The following APLF variants were observed in gnomAD, a reference collection of about 807,000 sequenced individuals.
APLF encodes aprataxin and PNKP like factor, also known as aprataxin and PNK-like factor.
APLF carries 61 observed loss-of-function variants against 55.6 expected under a neutral mutation model. That is an observed-to-expected ratio of 1.10 (90% CI 0.89 to 1.36). The LOEUF (loss-of-function observed/expected upper bound fraction) is 1.36, where lower values mean the gene tolerates loss of function less well. Among genes scored for constraint, APLF ranks in the 40% most tolerant of loss-of-function variants. APLF has a pLI of 0.00. For synonymous variants in APLF, 207 were observed against 214.8 expected, an observed-to-expected ratio of 0.96 and a Z score of 0.32; for missense variants, 611 against 602.5, an observed-to-expected ratio of 1.01 and a Z score of -0.15.
chr2:68,501,866 A>G (rs1211534784), intron 2 of APLF, among the ~76,000 whole-genome samples: 4 of 152,130 alleles, frequency 2.6e-5, no homozygotes, highest in South Asian at 4.1e-4. Flanking sequence ...TTGTGCTGCA[A>G]TAACAGAATA....
chr2:68,545,126 C>G (rs1393665756), intron 7 of APLF, 61 bp from the exon 8 acceptor site: 1 of 1,580,926 alleles, frequency 6.3e-7, no homozygotes, highest in Non-Finnish European at 8.6e-7. Flanking sequence ...CCTGCTATAT[C>G]CACTAAAAAT....
chr2:68,488,977 A>AT (rs1300000534), intron 1 of APLF, among the ~76,000 whole-genome samples: 1 of 151,552 alleles, frequency 6.6e-6, no homozygotes, highest in Non-Finnish European at 1.5e-5. Flanking sequence ...TATAATAATA[A>AT]AAAAAAAGGT....
chr2:68,563,673 C>A (rs547103473), intron 8 of APLF, among the ~76,000 whole-genome samples: 9 of 152,146 alleles, frequency 5.9e-5, no homozygotes, highest in African/African-American at 2.2e-4. Flanking sequence ...CATTACTGTA[C>A]TTTATTTAAA....
chr2:68,552,644 T>G (rs1244161597), intron 8 of APLF, among the ~76,000 whole-genome samples: 1 of 152,044 alleles, frequency 6.6e-6, no homozygotes, highest in East Asian at 1.9e-4. Context: ...AAAATAAAAA[T>G]AATGCCTATT....
At chr2:68,568,845 A>G (rs1371172852) in intron 9 of APLF, among the ~76,000 whole-genome samples, 2 of 152,146 alleles carry the variant, frequency 1.3e-5, no homozygotes, top group Non-Finnish European at 2.9e-5. Context: ...TAATAGAAGT[A>G]TAGATATTTT....
At chr2:68,469,900 G>C (rs966539444) in intron 1 of APLF, among the ~76,000 whole-genome samples, 1 of 152,176 alleles carries the variant, frequency 6.6e-6, no homozygotes, top group African/African-American at 2.4e-5. Context: ...CACAAACCTT[G>C]ATGGCCACAC....
intron 9 of APLF, among the ~76,000 whole-genome samples, chr2:68,570,358 A>T (rs866957836): frequency 2.6e-5 from 4 of 151,652 alleles, no homozygotes; most frequent in African/African-American, 7.3e-5. Flanking sequence ...TTTGTTACAT[A>T]TGTATACATG....
In APLF at chr2:68,545,321, A is replaced by G; in HGVS notation, c.1286+9A>G. 6.2e-7 allele frequency: 1 copy of G among 1,606,510 alleles called. No individual in the cohort carries two copies. Among genetic ancestry groups the G allele is most frequent in the Middle Eastern group, 1.7e-4 (1 of 6,010 alleles). On this transcript the variant is annotated intron_variant, in intron 8 of 9. Coordinates refer to ENST00000303795, the MANE Select transcript of APLF (RefSeq NM_173545.3). ...GGACCATCCTGTTATAGGTATAGAA[A>G]CTGAATGTTTGGCTGCACTCCTTTT...
rs554754240 is a variant in APLF at position 68,571,110 on chromosome 2, G to C, written c.1333+3723G>C. 2.0e-5 allele frequency among the ~76,000 whole-genome samples: 3 copies of C among 152,178 alleles called. No homozygotes were observed. The South Asian group carries it at 6.2e-4, about 32-fold the overall frequency. ...AAATGTCTTCTTTTGAGAAGTGTCT[G>C]TTCATATCCTTCACCCCCTTTTTGA... On this transcript the variant is annotated intron_variant, in intron 9 of 9. Transcript: ENST00000303795.
At chr2:68,537,573 T>C (rs1670428416) in intron 6 of APLF, among the ~76,000 whole-genome samples, 1 of 152,136 alleles carries the variant, frequency 6.6e-6, no homozygotes. Flanking sequence ...TTTCACCTTG[T>C]TGGCCAGGCT....
chr2:68,522,152 A>T (rs999475865), intron 5 of APLF, among the ~76,000 whole-genome samples: 3 of 151,884 alleles, frequency 2.0e-5, no homozygotes, highest in Admixed American at 6.6e-5. Context: ...TCCTGATTTT[A>T]ATAGAAATTC....
chr2:68,565,776 G>A (rs1671292143), intron 8 of APLF, among the ~76,000 whole-genome samples: 1 of 152,012 alleles, frequency 6.6e-6, no homozygotes, highest in Non-Finnish European at 1.5e-5. Context: ...TTTAAATGGT[G>A]AAAAAGCAGT....
intron 2 of APLF, among the ~76,000 whole-genome samples, chr2:68,491,568 T>C (rs1367384171): frequency 6.6e-6 from 1 of 152,192 alleles, no homozygotes; most frequent in Non-Finnish European, 1.5e-5. Context: ...ATAAGTTTTT[T>C]TGTTGTTACT....
At chr2:68,541,810 A>G (rs1446277170) in intron 7 of APLF, among the ~76,000 whole-genome samples, 1 of 152,164 alleles carries the variant, frequency 6.6e-6, no homozygotes, top group Non-Finnish European at 1.5e-5. Flanking sequence ...TTATTCTAAA[A>G]TCATGTGGGA....
chr2:68,549,875 T>G (rs1409506144), intron 8 of APLF, among the ~76,000 whole-genome samples: 3 of 152,188 alleles, frequency 2.0e-5, no homozygotes, highest in Non-Finnish European at 4.4e-5. Context: ...TACTCAGAGC[T>G]GTATCTTTCT....
At chr2:68,496,781 A>G (rs556083705) in intron 2 of APLF, among the ~76,000 whole-genome samples, 6 of 152,308 alleles carry the variant, frequency 3.9e-5, no homozygotes, top group African/African-American at 9.6e-5. Flanking sequence ...CTAGTTCCCG[A>G]TAAGTTCCTC....
Position 68,579,540 on chromosome 2 carries a change from A to AT in APLF, c.*1518_*1519insT, listed in dbSNP as rs11447262. ...ACAGCCAAAAAGTATAAACACCCAA[A>AT]GTCTATCAACTATCAACTGGGTGAA... is the stretch of plus-strand genomic sequence containing the variant. On this transcript the variant is annotated 3_prime_UTR_variant, in exon 10 of 10. Transcript: ENST00000303795. 57,845 of 338,368 alleles carry AT rather than the reference A, an allele frequency of 0.17. 8,823 individuals are homozygous for AT. The highest frequency in any genetic ancestry group is 0.55 in the African/African-American group (24,171 of 44,346). 21.0% of individuals were successfully genotyped at this position (338,368 alleles called of 1,614,324 possible). A position where few individuals can be genotyped will look rare whatever the true frequency, so the allele number is the denominator to read the frequency against.
chr2:68,518,070 C>G (rs951782530), intron 5 of APLF, among the ~76,000 whole-genome samples: 1 of 128,256 alleles, frequency 7.8e-6, no homozygotes, highest in Non-Finnish European at 1.6e-5. Context: ...TATAATATAT[C>G]ATTAGTATAT....
intron 8 of APLF, among the ~76,000 whole-genome samples, chr2:68,555,428 A>G (rs1670977392): frequency 6.6e-6 from 1 of 152,226 alleles, no homozygotes. Context: ...AAGGACTAAT[A>G]TCCAGAATCT....
Sources: gnomAD v4.1 joint callset for allele counts (sites outside exome capture counted in the v4.1 genomes callset) on GRCh38, gnomAD v4.1.1 for gene constraint, MANE v1.5 for transcripts, NCBI Gene and HGNC (gene_info 2026-07-23, HGNC 2026-07-21) for gene names.